SLC2A9: variants seen among roughly 807,000 people sequenced by gnomAD.
The protein encoded by SLC2A9 is solute carrier family 2 member 9, also known as solute carrier family 2, facilitated glucose transporter member 9.
Under a neutral mutation model 50.6 loss-of-function variants are expected in SLC2A9, and 39 were observed. That is an observed-to-expected ratio of 0.77 (90% CI 0.60 to 1.01). The LOEUF is 1.01. Among genes scored for constraint, SLC2A9 ranks in the 50% least tolerant of loss-of-function variants. The pLI, the probability that SLC2A9 is intolerant of heterozygous loss-of-function variation, is 0.00. For missense variants in SLC2A9, 686 were observed against 677.6 expected, an observed-to-expected ratio of 1.01 and a Z score of -0.14; for synonymous variants, 324 against 276.9, an observed-to-expected ratio of 1.17 and a Z score of -1.69.
At chr4:9,886,826 G>A (rs539922078) in intron 10 of SLC2A9, among the ~76,000 whole-genome samples, 1 of 152,210 alleles carries the variant, frequency 6.6e-6, no homozygotes, top group African/African-American at 2.4e-5. Flanking sequence ...CCTGCTGGAC[G>A]TGGACACAGG....
intron 8 of SLC2A9, among the ~76,000 whole-genome samples, chr4:9,903,967 TTATAA>T (rs1365190255): frequency 2.7e-5 from 4 of 148,174 alleles, no homozygotes; most frequent in East Asian, 1.9e-4. Flanking sequence ...TATATAAACA[TTATAA>T]TATATTATGC....
At chr4:9,944,572 G>A (rs991648030) in intron 5 of SLC2A9, among the ~76,000 whole-genome samples, 5 of 152,312 alleles carry the variant, frequency 3.3e-5, no homozygotes, top group Middle Eastern at 3.4e-3. Flanking sequence ...GGCAGCCCCC[G>A]GATTGGGATG....
intron 6 of SLC2A9, among the ~76,000 whole-genome samples, chr4:9,927,121 C>T (rs1268064052): frequency 6.6e-6 from 1 of 151,968 alleles, no homozygotes; most frequent in African/African-American, 2.4e-5. Context: ...CCTCCGCCTC[C>T]CAGATTCAAG....
chr4:9,776,762 T>G (rs1441373785), downstream of SLC2A9, among the ~76,000 whole-genome samples: 1 of 152,194 alleles, frequency 6.6e-6, no homozygotes, highest in Non-Finnish European at 1.5e-5. Context: ...GCTTAAAGAC[T>G]GTAGCATTGA....
At chr4:9,836,314 AAT>A (rs202025092) in intron 10 of SLC2A9, among the ~76,000 whole-genome samples, 102 of 143,332 alleles carry the variant, frequency 7.1e-4, no homozygotes, top group South Asian at 1.8e-3. Flanking sequence ...AAAAAATAAA[AAT>A]AAAAAAGGGG....
At chr4:9,896,570 A>C (rs1226353514) in intron 8 of SLC2A9, among the ~76,000 whole-genome samples, 1 of 152,208 alleles carries the variant, frequency 6.6e-6, no homozygotes, top group Non-Finnish European at 1.5e-5. Flanking sequence ...TCTCCTTAAC[A>C]ATACCTTTTA....
At chr4:9,933,522 T>C (rs1017260069) in intron 6 of SLC2A9, among the ~76,000 whole-genome samples, 2 of 152,208 alleles carry the variant, frequency 1.3e-5, no homozygotes, top group Non-Finnish European at 1.5e-5. Context: ...CATTGACCAA[T>C]GCACTAGCTC....
At chr4:9,827,272 T>C (rs952765833) in intron 11 of SLC2A9, among the ~76,000 whole-genome samples, 4 of 152,216 alleles carry the variant, frequency 2.6e-5, no homozygotes, top group African/African-American at 9.6e-5. Flanking sequence ...TAGGAGGTAC[T>C]CAGGACATAT....
At chr4:9,818,515 G>A (rs1396832863) in intron 3 of SLC2A9, among the ~76,000 whole-genome samples, 1 of 152,214 alleles carries the variant, frequency 6.6e-6, no homozygotes, top group Non-Finnish European at 1.5e-5. Context: ...ATAGTAAGGA[G>A]CAGGGTGAGG....
chr4:9,909,355 G>A (rs2109990888), intron 7 of SLC2A9, among the ~76,000 whole-genome samples: 1 of 152,312 alleles, frequency 6.6e-6, no homozygotes, highest in Middle Eastern at 3.4e-3. Context: ...AGGATGTGTG[G>A]TCTTGGAGTT....
At chr4:10,017,436 A>G (rs1257315355) in intron 2 of SLC2A9, among the ~76,000 whole-genome samples, 1 of 152,240 alleles carries the variant, frequency 6.6e-6, no homozygotes, top group African/African-American at 2.4e-5. Context: ...AAAATCAAAG[A>G]TCACTGACTG....
chr4:9,947,049 T>G (rs891606272), intron 5 of SLC2A9, among the ~76,000 whole-genome samples: 3 of 152,182 alleles, frequency 2.0e-5, no homozygotes, highest in African/African-American at 7.2e-5. Context: ...AGGTAGATGG[T>G]TGACTTCTCT....
downstream of SLC2A9, among the ~76,000 whole-genome samples, chr4:9,797,391 G>T (rs1257478776): frequency 6.6e-6 from 1 of 152,168 alleles, no homozygotes; most frequent in African/African-American, 2.4e-5. Context: ...TTGTTCCAGG[G>T]TTCTGTTCTT....
Position 9,991,724 on chromosome 4 carries a change from A to T in SLC2A9, c.410+5057T>A, listed in dbSNP as rs147002367. 4.2e-3 allele frequency among the ~76,000 whole-genome samples: 635 copies of T among 152,322 alleles called. 3 individuals are homozygous for T. The highest frequency in any genetic ancestry group is 6.8e-3 in the Non-Finnish European group (461 of 68,028). On this transcript the variant is annotated intron_variant, in intron 3 of 11. Transcript: ENST00000264784. ...TGATTGGTGTCCTTGTAAGAAGAGG[A>T]AGGGACACCAGGGATGCACACACAC... is the stretch of plus-strand genomic sequence containing the variant.
chr4:9,820,161 C>A (rs1724206307), intron 3 of SLC2A9, among the ~76,000 whole-genome samples: 2 of 152,046 alleles, frequency 1.3e-5, no homozygotes, highest in East Asian at 1.9e-4. Context: ...ATTTTGAATT[C>A]ATTTTTAAGG....
chr4:9,954,086 G>A (rs1383901161), intron 5 of SLC2A9, among the ~76,000 whole-genome samples: 2 of 152,218 alleles, frequency 1.3e-5, no homozygotes, highest in Non-Finnish European at 2.9e-5. Flanking sequence ...TGGGATTACA[G>A]GCTTGAGCCA....
chr4:9,863,137 G>A (rs1449734397), intron 10 of SLC2A9, among the ~76,000 whole-genome samples: 1 of 151,848 alleles, frequency 6.6e-6, no homozygotes, highest in East Asian at 1.9e-4. Context: ...CTGATACATA[G>A]TATGTGTTCA....
At chr4:9,795,007 C>CTTTTTTTT (rs3060726), downstream of SLC2A9, among the ~76,000 whole-genome samples, 16 of 95,182 alleles carry the variant, frequency 1.7e-4, 1 homozygote, top group African/African-American at 2.9e-4. Flanking sequence ...TTAACCCATC[C>CTTTTTTTT]TTTTTTTTTT....
intron 3 of SLC2A9, among the ~76,000 whole-genome samples, chr4:9,780,619 C>A (rs533995364): frequency 1.3e-5 from 2 of 152,148 alleles, no homozygotes; most frequent in African/African-American, 4.8e-5. Context: ...GCCAGCAGGT[C>A]GCAGCCGGAG....
Sources: allele counts gnomAD v4.1 joint callset (sites outside exome capture counted in the v4.1 genomes callset), GRCh38; gene constraint gnomAD v4.1.1; transcripts MANE v1.5; gene names NCBI Gene and HGNC (gene_info 2026-07-23, HGNC 2026-07-21).